DHRSX: variants seen among roughly 807,000 people sequenced by gnomAD.
DHRSX encodes the protein polyprenol dehydrogenase.
DHRSX carries 31 observed loss-of-function variants against 34.0 expected under a neutral mutation model. The ratio of observed to expected loss-of-function variants is 0.91; its 90% CI spans 0.69 to 1.23. DHRSX has a LOEUF of 1.23. Among genes scored for constraint, DHRSX ranks in the 50% most tolerant of loss-of-function variants. The pLI is 0.00. For missense variants in DHRSX, 414 were observed against 428.1 expected (o/e 0.97, Z 0.29); for synonymous variants, 201 against 183.8 (o/e 1.09, Z -0.76).
At chrX:2,324,413 C>T (rs2042351517) in intron 3 of DHRSX, among the ~76,000 whole-genome samples, 1 of 152,176 alleles carries the variant, frequency 6.6e-6, no homozygotes, top group Non-Finnish European at 1.5e-5. Context: ...TCGGGGCCCC[C>T]ACTTCTTCAG....
intron 4 of DHRSX, among the ~76,000 whole-genome samples, chrX:2,282,361 G>GA (rs1386943443): frequency 2.3e-5 from 3 of 133,192 alleles, no homozygotes; most frequent in Admixed American, 7.4e-5. Context: ...GAGAAGGAGA[G>GA]GGAGGAAATA....
intron 3 of DHRSX, among the ~76,000 whole-genome samples, chrX:2,399,506 A>T (rs2043458146): frequency 1.3e-5 from 2 of 151,568 alleles, no homozygotes. Flanking sequence ...GGAGATCAAG[A>T]CCATCCTGGC....
At chrX:2,403,610 A>G (rs991267756) in intron 3 of DHRSX, among the ~76,000 whole-genome samples, 1 of 152,098 alleles carries the variant, frequency 6.6e-6, no homozygotes, top group African/African-American at 2.4e-5. Context: ...AATCCCAGCA[A>G]TTTGGGAGGC....
chrX:2,368,305 A>G (rs1198680870), intron 3 of DHRSX, among the ~76,000 whole-genome samples: 1 of 152,034 alleles, frequency 6.6e-6, no homozygotes, highest in Non-Finnish European at 1.5e-5. Flanking sequence ...TTTTTATGTA[A>G]TAACAAAATA....
intron 2 of DHRSX, 25 bp downstream of exon 2, chrX:2,425,172 C>T (rs73173783): frequency 0.15 from 228,655 of 1,521,472 alleles, 18,390 homozygotes; most frequent in Middle Eastern, 0.2. Flanking sequence ...AAACAAAAAA[C>T]ACAAGTAACT....
chrX:2,499,242 C>T (rs2045353180), intron 1 of DHRSX, among the ~76,000 whole-genome samples: 1 of 152,122 alleles, frequency 6.6e-6, no homozygotes, highest in South Asian at 2.1e-4. Context: ...TTCCAGAGGC[C>T]TCCTGACATG....
chrX:2,494,247 G>A (rs962614330), intron 1 of DHRSX, among the ~76,000 whole-genome samples: 1 of 151,772 alleles, frequency 6.6e-6, no homozygotes, highest in African/African-American at 2.4e-5. Context: ...CCTGGTACCT[G>A]TAGCAAAGGC....
At chrX:2,372,108 C>T (rs1207649780) in intron 3 of DHRSX, among the ~76,000 whole-genome samples, 1 of 152,162 alleles carries the variant, frequency 6.6e-6, no homozygotes, top group Non-Finnish European at 1.5e-5. Context: ...TCTTGAGGCT[C>T]GGGTTTCTTC....
At chrX:2,255,383 A>AT (rs1200792620) in intron 5 of DHRSX, among the ~76,000 whole-genome samples, 1 of 152,110 alleles carries the variant, frequency 6.6e-6, no homozygotes, top group East Asian at 1.9e-4. Flanking sequence ...TGAAATCCGA[A>AT]TCGAGATGGG....
At chrX:2,264,212 A>T (rs1281739031) in intron 5 of DHRSX, among the ~76,000 whole-genome samples, 1 of 151,408 alleles carries the variant, frequency 6.6e-6, no homozygotes, top group Non-Finnish European at 1.5e-5. Context: ...TCCAGAGCAC[A>T]TGTGCCCAGC....
chrX:2,459,327 T>G (rs1278600005), intron 1 of DHRSX, among the ~76,000 whole-genome samples: 1 of 151,902 alleles, frequency 6.6e-6, no homozygotes, highest in African/African-American at 2.4e-5. Context: ...AGAGTTAGGG[T>G]TATCTGAATA....
chrX:2,331,743 C>T (rs959515387), intron 3 of DHRSX, among the ~76,000 whole-genome samples: 44 of 152,064 alleles, frequency 2.9e-4, no homozygotes, highest in Admixed American at 5.2e-4. Flanking sequence ...AGCCACCACG[C>T]CCGGCCCTGA....
intron 1 of DHRSX, among the ~76,000 whole-genome samples, chrX:2,493,272 CTAAG>C (rs1265592507): frequency 7.2e-5 from 11 of 152,146 alleles, no homozygotes; most frequent in African/African-American, 2.7e-4. Context: ...AAGAGGCCTC[CTAAG>C]TCCGACCTGA....
At chrX:2,329,714 T>G (rs2124545390) in intron 3 of DHRSX, among the ~76,000 whole-genome samples, 1 of 152,182 alleles carries the variant, frequency 6.6e-6, no homozygotes, top group South Asian at 2.1e-4. Context: ...ACATTAACTC[T>G]CTCGAAGGAC....
intron 3 of DHRSX, among the ~76,000 whole-genome samples, chrX:2,314,641 T>C (rs1449449999): frequency 6.6e-6 from 1 of 151,970 alleles, no homozygotes; most frequent in Admixed American, 6.6e-5. Flanking sequence ...TCTCATTATG[T>C]TATGCCAGAG....
Position 2,290,263 on chromosome X carries a change from T to C in DHRSX, c.388+1239A>G, listed in dbSNP as rs148742646. Among the ~76,000 whole-genome samples the C allele has an allele frequency of 5.3e-4, 81 of 152,156 alleles. 1 individual carries two copies. The highest frequency in any genetic ancestry group is 1.7e-3 in the African/African-American group (71 of 41,524). ...CTATCCTCCAATCCCATTAATGTTA[T>C]ACAAAAACACGAAACACATCAAGAC... is the stretch of plus-strand genomic sequence containing the variant. On this transcript the variant is annotated intron_variant, in intron 4 of 6. Transcript: ENST00000334651.
intron 1 of DHRSX, chrX:2,489,585 T>C: frequency 1.9e-6 from 3 of 1,612,610 alleles, no homozygotes; most frequent in African/African-American, 2.7e-5. Context: ...TGGTTGTTGC[T>C]GTCCTCCACC....
chrX:2,499,955 A>G (rs2045375052), intron 1 of DHRSX, among the ~76,000 whole-genome samples: 1 of 152,202 alleles, frequency 6.6e-6, no homozygotes, highest in Non-Finnish European at 1.5e-5. Context: ...AGGCAGGAGG[A>G]CTGCTTGAGC....
intron 1 of DHRSX, among the ~76,000 whole-genome samples, chrX:2,452,771 C>T (rs2044242788): frequency 6.6e-6 from 1 of 152,144 alleles, no homozygotes; most frequent in South Asian, 2.1e-4. Flanking sequence ...GAAGACGTTC[C>T]CTAAGAATGT....
Sources: gnomAD v4.1 joint callset for allele counts (sites outside exome capture counted in the v4.1 genomes callset) on GRCh38, gnomAD v4.1.1 for gene constraint, MANE v1.5 for transcripts, NCBI Gene and HGNC (gene_info 2026-07-23, HGNC 2026-07-21) for gene names.